The following DENND1A variants were observed in gnomAD, a reference collection of about 807,000 sequenced individuals.
DENND1A encodes DENN domain containing 1A.
In DENND1A, 51 loss-of-function variants were observed where a neutral mutation model predicts 113.7. The ratio of observed to expected loss-of-function variants is 0.45; its 90% confidence interval spans 0.36 to 0.57. The LOEUF (loss-of-function observed/expected upper bound fraction) is 0.57. Ranked by LOEUF, DENND1A falls within the 20% of genes least tolerant of loss-of-function variation. The pLI is 0.00. For synonymous variants in DENND1A, 565 were observed against 570.8 expected, an observed-to-expected ratio of 0.99 and a Z score of 0.14; for missense variants, 1,258 against 1,395.9, an observed-to-expected ratio of 0.90 and a Z score of 1.57.
chr9:123,903,261 G>A (rs1256659386), intron 1 of DENND1A, among the ~76,000 whole-genome samples: 1 of 146,818 alleles, frequency 6.8e-6, no homozygotes, highest in African/African-American at 2.6e-5. Flanking sequence ...GAACCCGGGA[G>A]GCGGAGCTTG....
intron 19 of DENND1A, among the ~76,000 whole-genome samples, chr9:123,417,068 G>A (rs893589365): frequency 6.6e-6 from 1 of 152,246 alleles, no homozygotes; most frequent in Non-Finnish European, 1.5e-5. Context: ...CCACTTAGGC[G>A]AGTTATTTAA....
At chr9:123,724,656 C>A (rs1032170150) in intron 5 of DENND1A, among the ~76,000 whole-genome samples, 1 of 152,292 alleles carries the variant, frequency 6.6e-6, no homozygotes, top group East Asian at 1.9e-4. Flanking sequence ...GCCTCCCCAG[C>A]TTTCTCTTCA....
chr9:123,510,079 C>T (rs2053320189), intron 13 of DENND1A, among the ~76,000 whole-genome samples: 2 of 152,228 alleles, frequency 1.3e-5, no homozygotes, highest in African/African-American at 2.4e-5. Context: ...CTGCACTGCC[C>T]GCCATGGCCC....
chr9:123,445,095 A>G (rs1588562931), intron 18 of DENND1A, among the ~76,000 whole-genome samples: 1 of 152,206 alleles, frequency 6.6e-6, no homozygotes, highest in Non-Finnish European at 1.5e-5. Context: ...AGAAGCCATG[A>G]CTATGCTCTA....
chr9:123,676,557 T>C (rs2064087781), intron 6 of DENND1A, among the ~76,000 whole-genome samples, 163 bp downstream of exon 6: 1 of 152,180 alleles, frequency 6.6e-6, no homozygotes, highest in Admixed American at 6.5e-5. Context: ...GTGGGGCAAA[T>C]TAAAAGTGAT....
intron 21 of DENND1A, 137 bp downstream of exon 21, chr9:123,403,265 T>A: frequency 1.3e-6 from 1 of 788,572 alleles, no homozygotes; most frequent in Non-Finnish European, 2.1e-6. Flanking sequence ...GTTCCCTGAA[T>A]GACCCCTTTG....
At chr9:123,489,630 T>C (rs1252872034) in intron 13 of DENND1A, among the ~76,000 whole-genome samples, 1 of 152,238 alleles carries the variant, frequency 6.6e-6, no homozygotes, top group Non-Finnish European at 1.5e-5. Context: ...TAGTGAAAAT[T>C]AGTTCATCCA....
At chr9:123,532,809 C>T (rs2055433201) in intron 13 of DENND1A, among the ~76,000 whole-genome samples, 1 of 152,174 alleles carries the variant, frequency 6.6e-6, no homozygotes, top group African/African-American at 2.4e-5. Flanking sequence ...AAGTACCTAT[C>T]ACTCACCAGA....
At chr9:123,395,511 AGAGT>A (rs1479457569) in intron 21 of DENND1A, among the ~76,000 whole-genome samples, 2 of 126,226 alleles carry the variant, frequency 1.6e-5, no homozygotes, top group Admixed American at 7.6e-5. Flanking sequence ...AGAGAGAGAG[AGAGT>A]GAGAGTGAGA....
Position 123,542,720 on chromosome 9 carries a change from T to C in DENND1A, c.993+14850A>G, listed in dbSNP as rs11792670. On this transcript the variant is annotated intron_variant, in intron 13 of 23. Coordinates refer to ENST00000394215, the MANE Select transcript of DENND1A (RefSeq NM_001352964.2). ...TCTGCTTGGGTGGGCTGTCTAGCAA[T>C]GGTTCACCTCCTCCCTGACTCAAGC... Among the ~76,000 whole-genome samples, 815 of 152,158 alleles carry C rather than the reference T, an allele frequency of 5.4e-3. 2 individuals are homozygous for C. The highest frequency in any genetic ancestry group is 9.6e-3 in the Non-Finnish European group (650 of 68,004).
chr9:123,431,768 TG>T (rs896676208), intron 19 of DENND1A, among the ~76,000 whole-genome samples: 1 of 152,108 alleles, frequency 6.6e-6, no homozygotes, highest in Non-Finnish European at 1.5e-5. Flanking sequence ...TGGAGCTTGG[TG>T]GGCAGTGAGC....
Position 123,415,213 on chromosome 9 carries a change from C to T in DENND1A, c.1489-3384G>A, listed in dbSNP as rs377361964. Among the ~76,000 whole-genome samples, 6 of 152,140 alleles carry T rather than the reference C, an allele frequency of 3.9e-5. No individual in the cohort carries two copies. The East Asian group carries it at 7.7e-4, about 20-fold the overall frequency. ...AACAACGGCAACCAAGAACAGGAAG[C>T]CACATTGCCCCTTCTGACACTCGGG... On this transcript the variant is annotated intron_variant, in intron 19 of 23. Transcript: ENST00000394215.
At chr9:123,692,533 G>A (rs561043197) in intron 5 of DENND1A, among the ~76,000 whole-genome samples, 8 of 152,300 alleles carry the variant, frequency 5.3e-5, no homozygotes, top group African/African-American at 1.9e-4. Context: ...ATTCCTCAAT[G>A]AATGACTCTT....
intron 5 of DENND1A, among the ~76,000 whole-genome samples, chr9:123,723,533 G>A (rs1477083919): frequency 6.6e-6 from 1 of 152,168 alleles, no homozygotes; most frequent in African/African-American, 2.4e-5. Flanking sequence ...TGTCATGGGA[G>A]CAACCCTGTG....
Position 123,566,126 on chromosome 9 carries a change from G to A in DENND1A, c.868-8431C>T, listed in dbSNP as rs571485371. On this transcript the variant is annotated intron_variant, in intron 12 of 23. Coordinates refer to ENST00000394215, the MANE Select transcript of DENND1A (RefSeq NM_001352964.2). Reference sequence around the variant, plus strand: ...AAGTCCAAGTCTGTCTTACTCCAGAGTCTGTGCTAGTCCATTGATTCTCAC... The same window carrying A: ...AAGTCCAAGTCTGTCTTACTCCAGAATCTGTGCTAGTCCATTGATTCTCAC... 1.6e-3 allele frequency among the ~76,000 whole-genome samples: 239 copies of A among 152,348 alleles called. 2 individuals are homozygous for A. The highest frequency in any genetic ancestry group is 2.0e-3 in the Non-Finnish European group (133 of 68,032).
intron 2 of DENND1A, among the ~76,000 whole-genome samples, chr9:123,809,070 G>A (rs1414511221): frequency 6.6e-6 from 1 of 152,156 alleles, no homozygotes; most frequent in African/African-American, 2.4e-5. Flanking sequence ...AGGGATGTGG[G>A]GAGACAGGAG....
chr9:123,463,247 C>T (rs904695083), intron 13 of DENND1A, among the ~76,000 whole-genome samples: 4 of 152,280 alleles, frequency 2.6e-5, no homozygotes, highest in East Asian at 1.9e-4. Context: ...TTAACCCTGT[C>T]GAGAACTTTG....
At chr9:123,901,544 T>G (rs1246159121) in intron 1 of DENND1A, among the ~76,000 whole-genome samples, 1 of 152,168 alleles carries the variant, frequency 6.6e-6, no homozygotes, top group Non-Finnish European at 1.5e-5. Flanking sequence ...ATAACCCATA[T>G]CAAAGCAATC....
At position 123,454,916 on chromosome 9, in the gene DENND1A, C is replaced by T. The variant is rs1382392382; in HGVS notation, c.1187-137G>A. ...AGACTGGAGTGCAGTGGTGCGATCT[C>T]AGCTCCTGGGTTCAAGCAATTCTCC... On this transcript the variant is annotated intron_variant, in intron 15 of 23. Transcript: ENST00000394215. The T allele has an allele frequency of 5.3e-6, 4 of 751,862 alleles. No homozygotes were observed. The African/African-American group carries it at 7.1e-5, about 13-fold the overall frequency. 46.6% of individuals were successfully genotyped at this position (751,862 alleles called of 1,614,324 possible). A position where few individuals can be genotyped will look rare whatever the true frequency, so the allele number is the denominator to read the frequency against.
Sources: allele counts gnomAD v4.1 joint callset (sites outside exome capture counted in the v4.1 genomes callset), GRCh38; gene constraint gnomAD v4.1.1; transcripts MANE v1.5; gene names NCBI Gene and HGNC (gene_info 2026-07-23, HGNC 2026-07-21).